KMT2C: variants seen among roughly 807,000 people sequenced by gnomAD.
KMT2C encodes lysine methyltransferase 2C.
A neutral mutation model predicts 507.9 loss-of-function variants in KMT2C; 88 were observed. The observed-to-expected ratio is 0.17, with a 90% CI of 0.15 to 0.21. The LOEUF (loss-of-function observed/expected upper bound fraction) is 0.21. Ranked by LOEUF, KMT2C falls within the 10% of genes least tolerant of loss-of-function variation. The probability of loss-of-function intolerance (pLI) is 1.00; values close to 1 mark genes in which losing one functional copy is unlikely to be tolerated. For missense variants in KMT2C, 4,954 were observed against 5,957.8 expected (o/e 0.83, Z 5.55); for synonymous variants, 2,049 against 2,080.8 (o/e 0.98, Z 0.42).
At chr7:152,256,321 G>C (rs190142662) in intron 9 of KMT2C, among the ~76,000 whole-genome samples, 1 of 151,666 alleles carries the variant, frequency 6.6e-6, no homozygotes, top group African/African-American at 2.4e-5. Context: ...AGAAACTTTT[G>C]CATGGCAAAA....
At chr7:152,157,428 AACT>A (rs1262643719) in intron 44 of KMT2C, among the ~76,000 whole-genome samples, 3 of 152,140 alleles carry the variant, frequency 2.0e-5, no homozygotes, top group Admixed American at 6.6e-5. Context: ...TTTCAAGGTA[AACT>A]ACTACTTTTT....
At chr7:152,204,313 T>C (rs953235290) in intron 25 of KMT2C, among the ~76,000 whole-genome samples, 3 of 152,018 alleles carry the variant, frequency 2.0e-5, no homozygotes, top group Non-Finnish European at 4.4e-5. Flanking sequence ...AAATTTTTTT[T>C]AGATATCAGC....
At chr7:152,234,006 G>T (rs2360911) in intron 16 of KMT2C, among the ~76,000 whole-genome samples, 3 of 151,944 alleles carry the variant, frequency 2.0e-5, no homozygotes, top group African/African-American at 7.3e-5. Context: ...ATGTTGGTGC[G>T]CGCCAGTAAT....
chr7:152,157,574 AAAC>A (rs1360802752), intron 44 of KMT2C, among the ~76,000 whole-genome samples: 1 of 152,220 alleles, frequency 6.6e-6, no homozygotes, highest in Non-Finnish European at 1.5e-5. Context: ...TTACCTATAA[AAAC>A]AACTTCAAAT....
chr7:152,269,605 T>A (rs1325559239), intron 7 of KMT2C, among the ~76,000 whole-genome samples: 1 of 152,196 alleles, frequency 6.6e-6, no homozygotes, highest in Non-Finnish European at 1.5e-5. Flanking sequence ...CTAAAGATAA[T>A]TTAAAAGGGC....
chr7:152,264,910 G>A (rs2095838371), intron 8 of KMT2C, 128 bp downstream of exon 8: 2 of 1,113,200 alleles, frequency 1.8e-6, no homozygotes, highest in Non-Finnish European at 2.4e-6. Context: ...TTTTAAGTAT[G>A]ATGAAGTCAC....
At chr7:152,305,816 C>T (rs1475558715) in intron 6 of KMT2C, among the ~76,000 whole-genome samples, 1 of 152,094 alleles carries the variant, frequency 6.6e-6, no homozygotes, top group East Asian at 1.9e-4. Context: ...ATGATCTAGG[C>T]TTACCTTGTA....
intron 1 of KMT2C, among the ~76,000 whole-genome samples, chr7:152,428,425 C>A (rs2097840756): frequency 7.7e-6 from 1 of 129,486 alleles, no homozygotes; most frequent in Non-Finnish European, 1.6e-5. Flanking sequence ...CCAGCCTGGC[C>A]AACATGGTGA....
intron 4 of KMT2C, among the ~76,000 whole-genome samples, chr7:152,314,489 A>C (rs1184045761): frequency 6.6e-6 from 1 of 152,044 alleles, no homozygotes; most frequent in Non-Finnish European, 1.5e-5. Context: ...TTAGGTAATT[A>C]CAATGTGCCC....
intron 43 of KMT2C, among the ~76,000 whole-genome samples, chr7:152,160,899 A>G (rs549788630): frequency 6.6e-6 from 1 of 152,248 alleles, no homozygotes; most frequent in African/African-American, 2.4e-5. Context: ...GAGCATCAAC[A>G]CATATTTGAG....
chr7:152,239,631 C>G (rs527528609), intron 14 of KMT2C, among the ~76,000 whole-genome samples: 7 of 152,040 alleles, frequency 4.6e-5, no homozygotes, highest in Non-Finnish European at 7.4e-5. Flanking sequence ...TCCAAACAAC[C>G]ACATTCAGCA....
At chr7:152,261,518 AACCT>A (rs1483941723) in intron 9 of KMT2C, among the ~76,000 whole-genome samples, 1 of 152,222 alleles carries the variant, frequency 6.6e-6, no homozygotes. Flanking sequence ...TATTTTAAAA[AACCT>A]ACCTTAGTTA....
At position 152,148,240 on chromosome 7, in the gene KMT2C, G is replaced by A. The variant is rs2129094989; in HGVS notation, c.13687C>T (p.Pro4563Ser). The stretch of plus-strand genomic sequence containing the variant: ...GAATGGAATGCTTGCATCTGCTGTG[G>A]AAGCAGCTGACCAATTGTGTGGAAG... Reference protein sequence around the residue: ...LIFHTIGQLLPQQMQAFHSPK... With the variant: ...LIFHTIGQLLSQQMQAFHSPK... The change falls in exon 52 of 59, where the codon CCA becomes TCA. Residue 4563 changes from proline (P) to serine (S), a missense_variant. Transcript: ENST00000262189. This position sits in a 1 kb window ranked among gnomAD's most constrained non-coding sequence, Gnocchi z 7.1. 1.9e-6 allele frequency: 3 copies of A among 1,614,246 alleles called. No homozygotes were observed. The highest frequency in any genetic ancestry group is 8.5e-7 in the Non-Finnish European group (1 of 1,180,042).
intron 38 of KMT2C, 86 bp from the exon 39 acceptor site, chr7:152,174,328 AT>A: frequency 1.5e-6 from 1 of 653,486 alleles, no homozygotes; most frequent in Non-Finnish European, 2.6e-6. Context: ...AAGCTCTTAA[AT>A]TTTATTATTT....
intron 23 of KMT2C, among the ~76,000 whole-genome samples, chr7:152,215,513 C>CA (rs35751147): frequency 0.074 from 1,904 of 25,832 alleles, 240 homozygotes; most frequent in Non-Finnish European, 0.1. Context: ...GACTCTGTCT[C>CA]AAAAAAAAAA....
chr7:152,197,917 G>T (rs2094011916), intron 27 of KMT2C, among the ~76,000 whole-genome samples: 1 of 150,038 alleles, frequency 6.7e-6, no homozygotes. Flanking sequence ...TATTTTTGTG[G>T]AAAAAAATAA....
At chr7:152,306,928 G>A (rs2096619880) in intron 6 of KMT2C, among the ~76,000 whole-genome samples, 2 of 152,194 alleles carry the variant, frequency 1.3e-5, no homozygotes, top group Non-Finnish European at 2.9e-5. Context: ...GGAGGATGAG[G>A]TGGGAGTATC....
intron 6 of KMT2C, among the ~76,000 whole-genome samples, chr7:152,290,212 A>G (rs1185963173): frequency 9.9e-6 from 1 of 101,364 alleles, no homozygotes; most frequent in Non-Finnish European, 1.8e-5. Context: ...AATAAATTTT[A>G]TATATATATG....
At chr7:152,278,874 G>T (rs867181559) in intron 6 of KMT2C, among the ~76,000 whole-genome samples, 1 of 147,344 alleles carries the variant, frequency 6.8e-6, no homozygotes, top group African/African-American at 2.5e-5. Flanking sequence ...AACATGCATA[G>T]ATTAGACTTT....
Sources: allele counts gnomAD v4.1 joint callset (sites outside exome capture counted in the v4.1 genomes callset), GRCh38; gene constraint gnomAD v4.1.1; non-coding constraint Gnocchi (gnomAD v3.1); transcripts MANE v1.5; gene names NCBI Gene and HGNC (gene_info 2026-07-23, HGNC 2026-07-21).